The following ZBTB20 variants were observed in gnomAD, a reference collection of about 807,000 sequenced individuals.
ZBTB20 encodes the protein zinc finger and BTB domain containing 20, also known as zinc finger and BTB domain-containing protein 20.
Under a neutral mutation model 56.9 loss-of-function variants are expected in ZBTB20, and 9 were observed. The ratio of observed to expected loss-of-function variants is 0.16; its 90% CI spans 0.10 to 0.28. ZBTB20 has a LOEUF of 0.28. ZBTB20 is among the 10% of genes least tolerant of loss of function. The pLI, the probability that ZBTB20 is intolerant of heterozygous loss-of-function variation, is 1.00. For synonymous variants in ZBTB20, 417 were observed against 420.7 expected (o/e 0.99, Z 0.11); for missense variants, 655 against 1,003.0 (o/e 0.65, Z 4.69).
At chr3:114,777,880 T>C (rs2108762959) in intron 5 of ZBTB20, among the ~76,000 whole-genome samples, 1 of 151,650 alleles carries the variant, frequency 6.6e-6, no homozygotes, top group South Asian at 2.1e-4. Flanking sequence ...ATTAAGAAAA[T>C]GTGGCACATA....
chr3:114,979,426 T>C (rs1039715098), intron 2 of ZBTB20, among the ~76,000 whole-genome samples: 14 of 151,950 alleles, frequency 9.2e-5, no homozygotes, highest in Non-Finnish European at 1.5e-5. Context: ...CATTCCCATA[T>C]AAGAAATTTT....
chr3:114,666,260 C>T (rs2061048840), intron 6 of ZBTB20, among the ~76,000 whole-genome samples: 3 of 152,038 alleles, frequency 2.0e-5, no homozygotes, highest in Admixed American at 2.0e-4. Context: ...TGTTATAATA[C>T]ACTTTCTACA....
At chr3:114,450,323 C>G (rs2091525717) in intron 7 of ZBTB20, among the ~76,000 whole-genome samples, 1 of 152,160 alleles carries the variant, frequency 6.6e-6, no homozygotes, top group African/African-American at 2.4e-5. Context: ...TCAAACAAAG[C>G]AAAACTCAAA....
intron 4 of ZBTB20, among the ~76,000 whole-genome samples, chr3:114,859,217 CTCCT>C (rs898706126): frequency 2.7e-5 from 4 of 148,284 alleles, no homozygotes; most frequent in African/African-American, 7.5e-5. Context: ...CCTTCCTTTC[CTCCT>C]TCCTTCCTTC....
chr3:114,849,508 T>C (rs980862064), intron 4 of ZBTB20, among the ~76,000 whole-genome samples: 2 of 152,252 alleles, frequency 1.3e-5, no homozygotes, highest in Non-Finnish European at 2.9e-5. Context: ...AAGTCTTACC[T>C]GAAACTGTAT....
rs115939554 is a variant in ZBTB20 at position 114,487,125 on chromosome 3, C to T, written c.-255+13227G>A. On this transcript the variant is annotated intron_variant, in intron 7 of 11. Coordinates refer to ENST00000675478, the MANE Select transcript of ZBTB20 (RefSeq NM_001348800.3). The stretch of plus-strand genomic sequence containing the variant: ...TATATATAACATTTAAAATCTCCCT[C>T]GAACCCCAGCTTCTGAGTATAAACT... Among the ~76,000 whole-genome samples, 862 of 152,240 alleles carry T rather than the reference C, an allele frequency of 5.7e-3. 6 individuals are homozygous for T. The highest frequency in any genetic ancestry group is 0.019 in the African/African-American group (797 of 41,528).
chr3:114,723,157 A>G (rs1236041304), intron 5 of ZBTB20, among the ~76,000 whole-genome samples: 3 of 151,158 alleles, frequency 2.0e-5, no homozygotes, highest in Non-Finnish European at 2.9e-5. Context: ...CTTTTATTTT[A>G]CTTTTTTTTT....
intron 4 of ZBTB20, among the ~76,000 whole-genome samples, chr3:114,849,279 G>T (rs1359846642): frequency 6.6e-6 from 1 of 152,098 alleles, no homozygotes; most frequent in Non-Finnish European, 1.5e-5. Context: ...TTAAGTGTAA[G>T]AACCTGGCTT....
At chr3:114,830,843 A>G (rs1397568144) in intron 4 of ZBTB20, among the ~76,000 whole-genome samples, 1 of 151,892 alleles carries the variant, frequency 6.6e-6, no homozygotes, top group Non-Finnish European at 1.5e-5. Context: ...TTGCGCTCCA[A>G]ATGTACTATT....
intron 1 of ZBTB20, among the ~76,000 whole-genome samples, chr3:115,099,471 T>C (rs2083498055): frequency 6.6e-6 from 1 of 152,166 alleles, no homozygotes; most frequent in African/African-American, 2.4e-5. Flanking sequence ...AAATAAAAGT[T>C]AGAAAACAGA....
intron 6 of ZBTB20, chr3:114,518,797 TA>T (rs1269636394): frequency 6.6e-6 from 1 of 152,200 alleles, no homozygotes; most frequent in African/African-American, 2.4e-5. Context: ...AACCTGGGGC[TA>T]ATTTTTGCCC....
chr3:114,787,331 T>TTTTATATA (rs1465612106), intron 5 of ZBTB20, among the ~76,000 whole-genome samples: 1 of 100,604 alleles, frequency 9.9e-6, no homozygotes, highest in African/African-American at 5.2e-5. Context: ...TCTTAAAAGG[T>TTTTATATA]TATATATATA....
intron 4 of ZBTB20, among the ~76,000 whole-genome samples, chr3:114,879,270 C>T (rs1012076704): frequency 2.0e-5 from 3 of 152,130 alleles, no homozygotes; most frequent in Non-Finnish European, 4.4e-5. Flanking sequence ...GTCTGATTTT[C>T]CACCTGGTGA....
At chr3:114,654,480 A>C (rs907057270) in intron 6 of ZBTB20, among the ~76,000 whole-genome samples, 1 of 151,806 alleles carries the variant, frequency 6.6e-6, no homozygotes, top group Non-Finnish European at 1.5e-5. Context: ...AACAAGAAGC[A>C]TATTTTGTAG....
chr3:114,804,685 A>C (rs748651737), intron 4 of ZBTB20, among the ~76,000 whole-genome samples: 1 of 151,934 alleles, frequency 6.6e-6, no homozygotes, highest in African/African-American at 2.4e-5. Context: ...CAGAATACAG[A>C]AAAATGAACT....
intron 7 of ZBTB20, among the ~76,000 whole-genome samples, chr3:114,443,721 T>A (rs1559796408): frequency 6.6e-6 from 1 of 152,144 alleles, no homozygotes; most frequent in Non-Finnish European, 1.5e-5. Flanking sequence ...TAATAAGTAA[T>A]AGTAGCAATA....
chr3:114,553,093 C>G (rs903915676), intron 6 of ZBTB20, among the ~76,000 whole-genome samples: 1 of 152,092 alleles, frequency 6.6e-6, no homozygotes. Flanking sequence ...GGGAGCAATG[C>G]CTTATGTTTA....
At chr3:114,645,802 C>T (rs1402705736) in intron 6 of ZBTB20, among the ~76,000 whole-genome samples, 1 of 152,102 alleles carries the variant, frequency 6.6e-6, no homozygotes, top group Non-Finnish European at 1.5e-5. Flanking sequence ...AGACACAATT[C>T]TCAGACTTTA....
At chr3:114,575,591 TA>T (rs11338329) in intron 6 of ZBTB20, among the ~76,000 whole-genome samples, 42,418 of 138,148 alleles carry the variant, frequency 0.31, 6,403 homozygotes, top group African/African-American at 0.4. Flanking sequence ...CTTTAAAAAA[TA>T]AAAAAAAAAA....
Sources: allele counts gnomAD v4.1 joint callset (sites outside exome capture counted in the v4.1 genomes callset), GRCh38; gene constraint gnomAD v4.1.1; transcripts MANE v1.5; gene names NCBI Gene and HGNC (gene_info 2026-07-23, HGNC 2026-07-21).